Variants in PDE4B observed in about 807,000 individuals in gnomAD.
PDE4B encodes the protein phosphodiesterase 4B, also known as 3',5'-cyclic-AMP phosphodiesterase 4B.
PDE4B carries 20 observed loss-of-function variants against 82.2 expected under a neutral mutation model. The ratio of observed to expected loss-of-function variants is 0.24; its 90% CI spans 0.17 to 0.35. The LOEUF is 0.35. Among genes scored for constraint, PDE4B ranks in the 10% least tolerant of loss-of-function variants. PDE4B has a pLI of 1.00. For synonymous variants in PDE4B, 320 were observed against 318.9 expected, an observed-to-expected ratio of 1.00 and a Z score of -0.04; for missense variants, 655 against 907.2, an observed-to-expected ratio of 0.72 and a Z score of 3.57.
At chr1:66,298,178 T>A (rs1657641502) in intron 7 of PDE4B, among the ~76,000 whole-genome samples, 2 of 152,342 alleles carry the variant, frequency 1.3e-5, no homozygotes, top group African/African-American at 4.8e-5. Flanking sequence ...ACTCTTGTTC[T>A]CAAGTTGAAG....
chr1:65,879,037 A>T (rs540473378), intron 1 of PDE4B, among the ~76,000 whole-genome samples: 120 of 152,300 alleles, frequency 7.9e-4, no homozygotes, highest in Non-Finnish European at 1.3e-3. Context: ...GCAAAATTTT[A>T]TTCCCAGTTT....
intron 3 of PDE4B, among the ~76,000 whole-genome samples, chr1:66,123,187 G>T (rs1221999193): frequency 6.6e-6 from 1 of 151,746 alleles, no homozygotes; most frequent in Non-Finnish European, 1.5e-5. Context: ...TCCTTTTTTT[G>T]AAGACAATGA....
intron 13 of PDE4B, 82 bp downstream of exon 13, chr1:66,365,848 G>A (rs1663205336): frequency 1.3e-6 from 1 of 742,836 alleles, no homozygotes; most frequent in Non-Finnish European, 2.3e-6. Flanking sequence ...TTTTCATTAT[G>A]GATAATCACA....
chr1:65,947,146 G>C (rs911484238), intron 3 of PDE4B, among the ~76,000 whole-genome samples: 1 of 152,062 alleles, frequency 6.6e-6, no homozygotes, highest in Admixed American at 6.6e-5. Context: ...GATGACTCAA[G>C]GCTGTGCTGA....
intron 3 of PDE4B, among the ~76,000 whole-genome samples, chr1:66,195,034 G>T (rs1178202296): frequency 6.6e-6 from 1 of 152,116 alleles, no homozygotes; most frequent in Non-Finnish European, 1.5e-5. Context: ...TTGGTTTACA[G>T]CTGTCTTTCC....
intron 1 of PDE4B, among the ~76,000 whole-genome samples, chr1:65,912,532 A>G (rs145761233): frequency 1.3e-3 from 198 of 152,310 alleles, no homozygotes; most frequent in Admixed American, 2.9e-3. Flanking sequence ...CACAAAGCCA[A>G]TGTCATGAAC....
intron 1 of PDE4B, among the ~76,000 whole-genome samples, chr1:65,906,292 C>T (rs1355790243): frequency 6.6e-6 from 1 of 152,020 alleles, no homozygotes; most frequent in Non-Finnish European, 1.5e-5. Flanking sequence ...CTAATCCATC[C>T]TAAACCTCCA....
chr1:65,934,051 T>C (rs1172162846), intron 3 of PDE4B, among the ~76,000 whole-genome samples: 3 of 152,130 alleles, frequency 2.0e-5, no homozygotes, highest in Non-Finnish European at 4.4e-5. Flanking sequence ...AAATAAATTA[T>C]AAGATAGACT....
intron 3 of PDE4B, among the ~76,000 whole-genome samples, chr1:66,060,414 A>C (rs971957135): frequency 1.3e-5 from 2 of 152,102 alleles, no homozygotes; most frequent in Admixed American, 6.6e-5. Flanking sequence ...AAAATGTAGC[A>C]CTCTTTATGT....
At chr1:66,339,997 C>A (rs781719834) in intron 8 of PDE4B, among the ~76,000 whole-genome samples, 29 of 152,250 alleles carry the variant, frequency 1.9e-4, no homozygotes, top group Admixed American at 1.2e-3. Context: ...GTGTGCTCAA[C>A]AAGTGGAGAT....
chr1:65,914,072 A>T (rs1009408843), intron 2 of PDE4B, among the ~76,000 whole-genome samples: 1 of 152,100 alleles, frequency 6.6e-6, no homozygotes, highest in Non-Finnish European at 1.5e-5. Context: ...TCTCATCTTT[A>T]CCCAATTACT....
intron 3 of PDE4B, among the ~76,000 whole-genome samples, chr1:65,961,745 G>A (rs1649551624): frequency 6.6e-6 from 1 of 152,132 alleles, no homozygotes. Context: ...AAGGTACCTA[G>A]GGAAGGTGTC....
At chr1:66,247,234 T>C (rs1434828285) in intron 3 of PDE4B, among the ~76,000 whole-genome samples, 3 of 152,174 alleles carry the variant, frequency 2.0e-5, no homozygotes, top group African/African-American at 7.2e-5. Flanking sequence ...ATGGTGGGCA[T>C]GGGTAAATAA....
At chr1:66,106,477 C>G (rs891208181) in intron 3 of PDE4B, among the ~76,000 whole-genome samples, 1 of 151,956 alleles carries the variant, frequency 6.6e-6, no homozygotes, top group Non-Finnish European at 1.5e-5. Context: ...AGGATTCCCT[C>G]TTTTTCTACT....
chr1:66,132,864 G>T (rs888097350), intron 3 of PDE4B, among the ~76,000 whole-genome samples: 1 of 152,156 alleles, frequency 6.6e-6, no homozygotes, highest in African/African-American at 2.4e-5. Context: ...TCAAGAAAAA[G>T]ACCCCAGAGA....
At chr1:65,868,238 G>A (rs1170623304) in intron 1 of PDE4B, among the ~76,000 whole-genome samples, 1 of 152,118 alleles carries the variant, frequency 6.6e-6, no homozygotes, top group Admixed American at 6.5e-5. Context: ...TGAAATATAG[G>A]CATTTCTATC....
chr1:66,248,051 T>C (rs1653466743), intron 4 of PDE4B, among the ~76,000 whole-genome samples: 1 of 152,190 alleles, frequency 6.6e-6, no homozygotes, highest in South Asian at 2.1e-4. Context: ...TGGTGATTGG[T>C]TATATGCATG....
At chr1:65,881,587 G>A (rs1646709322) in intron 1 of PDE4B, among the ~76,000 whole-genome samples, 1 of 152,304 alleles carries the variant, frequency 6.6e-6, no homozygotes, top group South Asian at 2.1e-4. Context: ...TGTGCTGGCT[G>A]ATTGTTATAA....
intron 3 of PDE4B, among the ~76,000 whole-genome samples, chr1:66,149,677 G>C (rs558906431): frequency 4.9e-4 from 74 of 152,144 alleles, no homozygotes; most frequent in African/African-American, 1.7e-3. Flanking sequence ...AACATAGTGA[G>C]ACCTATCTCT....
Sources: allele counts gnomAD v4.1 joint callset (sites outside exome capture counted in the v4.1 genomes callset), GRCh38; gene constraint gnomAD v4.1.1; transcripts MANE v1.5; gene names NCBI Gene and HGNC (gene_info 2026-07-23, HGNC 2026-07-21).